Variants in TTC27 observed in about 807,000 individuals in gnomAD.
TTC27 encodes tetratricopeptide repeat domain 27.
A neutral mutation model predicts 115.9 loss-of-function variants in TTC27; 79 were observed. The ratio of observed to expected loss-of-function variants is 0.68; its 90% CI spans 0.57 to 0.82. The LOEUF is 0.82. Ranked by LOEUF, TTC27 falls within the 40% of genes least tolerant of loss-of-function variation. The probability of loss-of-function intolerance (pLI) is 0.00; values close to 1 mark genes in which losing one functional copy is unlikely to be tolerated. For missense variants in TTC27, 1,054 were observed against 993.1 expected, an observed-to-expected ratio of 1.06 and a Z score of -0.82; for synonymous variants, 401 against 356.0, an observed-to-expected ratio of 1.13 and a Z score of -1.42.
chr2:32,750,682 C>T (rs1007969980), intron 12 of TTC27, among the ~76,000 whole-genome samples: 1 of 152,168 alleles, frequency 6.6e-6, no homozygotes, highest in East Asian at 1.9e-4. Context: ...AAAATTTCTT[C>T]AAACGGGGGT....
At chr2:32,748,683 A>G (rs1377986165) in intron 12 of TTC27, among the ~76,000 whole-genome samples, 1 of 146,664 alleles carries the variant, frequency 6.8e-6, no homozygotes, top group African/African-American at 2.6e-5. Flanking sequence ...CTTTGTTCTA[A>G]CAATTCTTTT....
intron 16 of TTC27, among the ~76,000 whole-genome samples, chr2:32,803,551 CAT>C (rs1021656321): frequency 2.6e-5 from 4 of 152,188 alleles, no homozygotes; most frequent in Non-Finnish European, 2.9e-5. Flanking sequence ...GGGTTTCTCA[CAT>C]GTTTTACTGT....
chr2:32,649,286 C>T (rs1325921181), intron 4 of TTC27, among the ~76,000 whole-genome samples: 1 of 152,068 alleles, frequency 6.6e-6, no homozygotes, highest in Non-Finnish European at 1.5e-5. Flanking sequence ...ATGTAAAATA[C>T]ATTGCTTTGA....
At chr2:32,685,015 CTTTTTTTTTT>C (rs70938361) in intron 9 of TTC27, among the ~76,000 whole-genome samples, 1 of 116,312 alleles carries the variant, frequency 8.6e-6, no homozygotes, top group Non-Finnish European at 1.7e-5. Flanking sequence ...TTGCCTTTTC[CTTTTTTTTTT>C]TTTTTTTTTT....
intron 4 of TTC27, among the ~76,000 whole-genome samples, chr2:32,644,933 T>TGTGG (rs144747030): frequency 0.16 from 22,715 of 146,372 alleles, 2,107 homozygotes; most frequent in South Asian, 0.39. Flanking sequence ...GCCTTCAACT[T>TGTGG]GTGGGCTCAA....
chr2:32,693,931 A>G (rs1167133656), intron 9 of TTC27, among the ~76,000 whole-genome samples: 1 of 152,212 alleles, frequency 6.6e-6, no homozygotes, highest in African/African-American at 2.4e-5. Flanking sequence ...ATAAATGTTT[A>G]TTAAATAAAA....
intron 7 of TTC27, among the ~76,000 whole-genome samples, chr2:32,669,747 G>A (rs1327876598): frequency 1.3e-5 from 2 of 151,702 alleles, no homozygotes; most frequent in African/African-American, 2.4e-5. Flanking sequence ...TTATCCGGGC[G>A]TGGTGGTGTG....
At chr2:32,798,722 T>A (rs74177026) in intron 16 of TTC27, among the ~76,000 whole-genome samples, 25,243 of 134,882 alleles carry the variant, frequency 0.19, 2,474 homozygotes, top group Middle Eastern at 0.23. Context: ...AAAATAATAA[T>A]AATAATAATA....
intron 8 of TTC27, 150 bp from the exon 9 acceptor site, chr2:32,678,706 T>G: frequency 1.9e-6 from 1 of 523,718 alleles, no homozygotes; most frequent in East Asian, 3.6e-5. Flanking sequence ...GGATCACAGG[T>G]GTGAGCCACT....
intron 4 of TTC27, among the ~76,000 whole-genome samples, chr2:32,647,668 G>A (rs1345183079): frequency 6.6e-6 from 1 of 152,112 alleles, no homozygotes; most frequent in African/African-American, 2.4e-5. Flanking sequence ...AAGAAATTAA[G>A]TTCAAGCAAA....
intron 16 of TTC27, among the ~76,000 whole-genome samples, chr2:32,795,725 G>GTATTATTATTATTATTAT (rs3081615): frequency 0.11 from 15,306 of 138,534 alleles, 990 homozygotes; most frequent in Non-Finnish European, 0.13. Context: ...GCTAATTTTT[G>GTATTATTATTATTATTAT]TATTATTATT....
In TTC27 at chr2:32,678,037, C is replaced by G. The variant is rs562194788; in HGVS notation, c.1053-819C>G. Among the ~76,000 whole-genome samples, 5 of 152,212 alleles carry G rather than the reference C, an allele frequency of 3.3e-5. No homozygotes were observed. The East Asian group carries it at 9.7e-4, about 29-fold the overall frequency. On this transcript the variant is annotated intron_variant, in intron 8 of 19. Coordinates refer to ENST00000317907, the MANE Select transcript of TTC27 (RefSeq NM_017735.5). ...ATTGGGAATCTGCGGTGGGCAATCA[C>G]TTGAGCCCAGGAGTTCAAGACCAGC...
chr2:32,698,044 A>C (rs6738106), intron 9 of TTC27, among the ~76,000 whole-genome samples: 91,111 of 152,024 alleles, frequency 0.6, 27,299 homozygotes, highest in Middle Eastern at 0.71. Context: ...AGTAATAATT[A>C]ATCTTAATTT....
At chr2:32,793,971 A>T (rs1345684042) in intron 16 of TTC27, among the ~76,000 whole-genome samples, 1 of 152,130 alleles carries the variant, frequency 6.6e-6, no homozygotes, top group Non-Finnish European at 1.5e-5. Flanking sequence ...AATTTAAGAG[A>T]CTAATGCATT....
intron 12 of TTC27, among the ~76,000 whole-genome samples, chr2:32,739,541 T>C (rs901153440): frequency 6.6e-6 from 1 of 152,156 alleles, no homozygotes; most frequent in Admixed American, 6.5e-5. Flanking sequence ...ATGCTTCTGT[T>C]TCTAAATCCT....
chr2:32,726,266 A>T (rs190398231), intron 10 of TTC27, among the ~76,000 whole-genome samples: 189 of 152,348 alleles, frequency 1.2e-3, no homozygotes, highest in Admixed American at 2.9e-3. Context: ...TTTCTTTTCT[A>T]TCGCATTGGC....
At chr2:32,705,750 C>T (rs945428889) in intron 10 of TTC27, among the ~76,000 whole-genome samples, 1 of 152,102 alleles carries the variant, frequency 6.6e-6, no homozygotes, top group Non-Finnish European at 1.5e-5. Flanking sequence ...TACGAGGTCT[C>T]ACTATGTTGT....
intron 9 of TTC27, among the ~76,000 whole-genome samples, chr2:32,685,015 C>CAA (rs1666580957): frequency 8.6e-6 from 1 of 116,312 alleles, no homozygotes; most frequent in South Asian, 3.0e-4. Context: ...TTGCCTTTTC[C>CAA]TTTTTTTTTT....
intron 9 of TTC27, among the ~76,000 whole-genome samples, chr2:32,684,366 A>T (rs972683792): frequency 1.3e-5 from 2 of 152,030 alleles, no homozygotes; most frequent in Admixed American, 1.3e-4. Flanking sequence ...GCTATTGTGA[A>T]TAATGCCGCA....
Sources: allele counts gnomAD v4.1 joint callset (sites outside exome capture counted in the v4.1 genomes callset), GRCh38; gene constraint gnomAD v4.1.1; transcripts MANE v1.5; gene names NCBI Gene and HGNC (gene_info 2026-07-23, HGNC 2026-07-21).